Variants in TEKT1 observed in about 807,000 individuals in gnomAD.
The protein encoded by TEKT1 is tektin 1, also known as tektin-1.
Under a neutral mutation model 34.8 loss-of-function variants are expected in TEKT1, and 32 were observed. The ratio of observed to expected loss-of-function variants is 0.92; its 90% confidence interval spans 0.69 to 1.23. The LOEUF is 1.23. TEKT1 is among the 50% of genes most tolerant of loss of function. The pLI is 0.00. For synonymous variants in TEKT1, 207 were observed against 199.8 expected (o/e 1.04, Z -0.30); for missense variants, 492 against 518.5 (o/e 0.95, Z 0.50).
intron 2 of TEKT1, among the ~76,000 whole-genome samples, chr17:6,828,564 T>C (rs1296275580): frequency 6.6e-6 from 1 of 152,178 alleles, no homozygotes; most frequent in Non-Finnish European, 1.5e-5. Context: ...ATGTTCTTTC[T>C]TGGAAGCAAT....
chr17:6,813,610 T>C (rs1324324114), intron 5 of TEKT1, among the ~76,000 whole-genome samples: 1 of 150,526 alleles, frequency 6.6e-6, no homozygotes, highest in Non-Finnish European at 1.5e-5. Context: ...TATATAATGC[T>C]GTTTAATGAA....
intron 6 of TEKT1, among the ~76,000 whole-genome samples, chr17:6,810,774 T>C (rs1045130031): frequency 4.1e-4 from 62 of 152,366 alleles, no homozygotes; most frequent in African/African-American, 1.5e-3. Context: ...GTTTCGCTCT[T>C]ATTGCCCAGG....
intron 6 of TEKT1, among the ~76,000 whole-genome samples, chr17:6,804,885 G>A (rs1368362540): frequency 6.6e-6 from 1 of 152,072 alleles, no homozygotes; most frequent in East Asian, 1.9e-4. Context: ...GAGGATTTTT[G>A]CATCAATGTT....
chr17:6,802,482 T>A (rs867670721), intron 6 of TEKT1, among the ~76,000 whole-genome samples: 11 of 152,264 alleles, frequency 7.2e-5, no homozygotes, highest in African/African-American at 2.6e-4. Context: ...GAATTTTATT[T>A]TTTTATTTTT....
chr17:6,800,663 C>T, intron 7 of TEKT1, 84 bp downstream of exon 7: 1 of 1,479,660 alleles, frequency 6.8e-7, no homozygotes, highest in East Asian at 2.3e-5. Context: ...TTCATTCACG[C>T]TGCTGGTCAC....
At position 6,800,948 on chromosome 17, in the gene TEKT1, C is replaced by A; in HGVS notation, c.853-5G>T. 1 of 1,607,868 alleles carries A rather than the reference C, an allele frequency of 6.2e-7. No homozygotes were observed. Among genetic ancestry groups the A allele is most frequent in the Non-Finnish European group, 8.5e-7 (1 of 1,177,404 alleles). On this transcript the variant is annotated splice_region_variant and splice_polypyrimidine_tract_variant and intron_variant, in intron 6 of 7. Transcript: ENST00000338694. The stretch of plus-strand genomic sequence containing the variant: ...GGAAGCAATCTCTTCCATGACCTTA[C>A]AAAAAGGATTAGAGTAGGTGAGGCC...
At chr17:6,825,785 G>A (rs1172531942) in intron 2 of TEKT1, among the ~76,000 whole-genome samples, 1 of 152,212 alleles carries the variant, frequency 6.6e-6, no homozygotes, top group African/African-American at 2.4e-5. Flanking sequence ...TTCATCAGTA[G>A]TGTTGTATAT....
intron 6 of TEKT1, among the ~76,000 whole-genome samples, chr17:6,802,807 C>T (rs1976793834): frequency 6.6e-6 from 1 of 151,896 alleles, no homozygotes; most frequent in African/African-American, 2.4e-5. Flanking sequence ...GCAATGGCTG[C>T]ATAGTATTCC....
chr17:6,800,740 A>G lies in TEKT1; in HGVS notation c.1049+7T>C, dbSNP rs954029247. On this transcript the variant is annotated splice_region_variant and intron_variant, in intron 7 of 7. Transcript: ENST00000338694. ...GAAGGCCCTCTGCCCACTGGCTGCTAGCCTACCTTGCGACATTGTGGGTGA... is the reference window on the plus strand; with the variant it reads ...GAAGGCCCTCTGCCCACTGGCTGCTGGCCTACCTTGCGACATTGTGGGTGA... The G allele has an allele frequency of 1.0e-5, 16 of 1,607,304 alleles. No homozygotes were observed. The highest frequency in any genetic ancestry group is 6.7e-5 in the Admixed American group (4 of 59,698).
intron 2 of TEKT1, among the ~76,000 whole-genome samples, chr17:6,826,602 C>T (rs1053168626): frequency 8.7e-5 from 13 of 148,726 alleles, no homozygotes; most frequent in African/African-American, 3.2e-4. Flanking sequence ...TAGATATGCA[C>T]TCCACTTAGA....
At chr17:6,804,176 A>G (rs1248788137) in intron 6 of TEKT1, among the ~76,000 whole-genome samples, 1 of 152,040 alleles carries the variant, frequency 6.6e-6, no homozygotes, top group Non-Finnish European at 1.5e-5. Flanking sequence ...GGTCCTTCAC[A>G]TCCCTTGTAA....
intron 6 of TEKT1, among the ~76,000 whole-genome samples, chr17:6,812,502 T>G (rs1976942010): frequency 6.6e-6 from 1 of 151,830 alleles, no homozygotes; most frequent in Non-Finnish European, 1.5e-5. Flanking sequence ...TACGGAGGAG[T>G]GGCAACTGGA....
intron 2 of TEKT1, among the ~76,000 whole-genome samples, chr17:6,825,000 G>A (rs1052597242): frequency 1.3e-5 from 2 of 152,058 alleles, no homozygotes; most frequent in African/African-American, 4.8e-5. Flanking sequence ...TTTCTAATGA[G>A]GTCATCAAGA....
At chr17:6,809,565 T>C (rs1395015336) in intron 6 of TEKT1, among the ~76,000 whole-genome samples, 5 of 152,196 alleles carry the variant, frequency 3.3e-5, no homozygotes, top group Admixed American at 3.3e-4. Context: ...TATAACTACA[T>C]GTATCCACTT....
At chr17:6,829,483 T>G (rs976886577) in intron 2 of TEKT1, among the ~76,000 whole-genome samples, 1 of 151,732 alleles carries the variant, frequency 6.6e-6, no homozygotes, top group African/African-American at 2.4e-5. Context: ...CTTTCTTTCT[T>G]TCTCTCTTTC....
At chr17:6,810,627 G>T (rs1251571242) in intron 6 of TEKT1, among the ~76,000 whole-genome samples, 2 of 152,192 alleles carry the variant, frequency 1.3e-5, no homozygotes, top group Non-Finnish European at 2.9e-5. Flanking sequence ...TGTATGTGAT[G>T]TTCTCACGGC....
intron 5 of TEKT1, among the ~76,000 whole-genome samples, chr17:6,813,702 C>T (rs1976960059): frequency 6.6e-6 from 1 of 151,916 alleles, no homozygotes. Context: ...TGGAAGAGGA[C>T]AGGATGATAG....
intron 6 of TEKT1, among the ~76,000 whole-genome samples, chr17:6,809,298 C>T (rs1336040350): frequency 6.6e-6 from 1 of 152,210 alleles, no homozygotes; most frequent in Non-Finnish European, 1.5e-5. Flanking sequence ...ATGGCATGAT[C>T]TCAGCTCACT....
At chr17:6,818,370 A>G (rs76082484) in intron 3 of TEKT1, among the ~76,000 whole-genome samples, 16,914 of 152,130 alleles carry the variant, frequency 0.11, 1,350 homozygotes, top group Admixed American at 0.14. Context: ...CTGCGGCAGA[A>G]CCCAGGTCTG....
Sources: gnomAD v4.1 joint callset for allele counts (sites outside exome capture counted in the v4.1 genomes callset) on GRCh38, gnomAD v4.1.1 for gene constraint, MANE v1.5 for transcripts, NCBI Gene and HGNC (gene_info 2026-07-23, HGNC 2026-07-21) for gene names.